Variants in RBM25 observed in about 807,000 individuals in gnomAD.
RBM25 encodes the protein RNA binding motif protein 25.
Under a neutral mutation model 120.7 loss-of-function variants are expected in RBM25, and 19 were observed. The observed-to-expected ratio is 0.16, with a 90% CI of 0.11 to 0.23. The LOEUF (loss-of-function observed/expected upper bound fraction) is 0.23, where lower values mean the gene tolerates loss of function less well. RBM25 is among the 10% of genes least tolerant of loss of function. The pLI is 1.00. For missense variants in RBM25, 605 were observed against 1,041.5 expected, an observed-to-expected ratio of 0.58 and a Z score of 5.77; for synonymous variants, 390 against 326.7, an observed-to-expected ratio of 1.19 and a Z score of -2.09.
At chr14:73,094,682 C>T (rs531099089) in intron 6 of RBM25, among the ~76,000 whole-genome samples, 30 of 152,198 alleles carry the variant, frequency 2.0e-4, no homozygotes, top group African/African-American at 5.5e-4. Context: ...CCGCTGCACG[C>T]GGCTGGGGAA....
intron 9 of RBM25, 77 bp from the exon 10 acceptor site, chr14:73,103,115 A>C: frequency 6.5e-7 from 1 of 1,541,844 alleles, no homozygotes; most frequent in East Asian, 2.2e-5. Context: ...TGTTCCCAGT[A>C]CTGGGCTTTG....
intron 10 of RBM25, among the ~76,000 whole-genome samples, chr14:73,103,928 TCTCTCTCTCTCTCTCTCTCTCACACACA>T (rs1412807219): frequency 9.9e-4 from 66 of 66,352 alleles, no homozygotes; most frequent in African/African-American, 3.1e-3. Flanking sequence ...TCTCTCTCTC[TCTCTCTCTCTCTCTCTCTCTCACACACA>T]CACACACACA....
Position 73,120,516 on chromosome 14 carries a change from G to A in RBM25, c.*711G>A, listed in dbSNP as rs1050282748. The A allele has an allele frequency of 4.6e-5, 7 of 152,548 alleles. No individual in the cohort carries two copies. The highest frequency in any genetic ancestry group is 4.6e-4 in the Admixed American group (7 of 15,270). The allele number at this position is 152,548 out of a possible 1,614,324, so 9.4% of individuals were successfully genotyped here. On this transcript the variant is annotated 3_prime_UTR_variant, in exon 19 of 19. Coordinates refer to ENST00000261973, the MANE Select transcript of RBM25 (RefSeq NM_021239.3). The stretch of plus-strand genomic sequence containing the variant: ...GGTGTTCTCGTGTCGTGAGCAATGT[G>A]GTTTGCTAACTGGATGGGGTTTTCT...
chr14:73,084,490 T>G (rs559170616), intron 5 of RBM25, among the ~76,000 whole-genome samples: 54 of 152,300 alleles, frequency 3.5e-4, no homozygotes, highest in African/African-American at 1.3e-3. Flanking sequence ...TCCTCTGTGT[T>G]TTCTGTAAAG....
chr14:73,117,963 A>G (rs1327338718), intron 18 of RBM25, among the ~76,000 whole-genome samples: 2 of 152,180 alleles, frequency 1.3e-5, no homozygotes, highest in African/African-American at 4.8e-5. Flanking sequence ...GATGGCAGGA[A>G]TAGTGATGGG....
intron 4 of RBM25, among the ~76,000 whole-genome samples, chr14:73,079,006 G>A (rs1414596433): frequency 6.6e-6 from 1 of 152,140 alleles, no homozygotes; most frequent in Non-Finnish European, 1.5e-5. Context: ...GTTTTATTCT[G>A]AGCTTGAATA....
In RBM25 at chr14:73,120,500, G is replaced by C. The variant is rs1291712180; in HGVS notation, c.*695G>C. On this transcript the variant is annotated 3_prime_UTR_variant, in exon 19 of 19. Coordinates refer to ENST00000261973, the MANE Select transcript of RBM25 (RefSeq NM_021239.3). ...TAGTTTCCCAGAGCATGGTGTTCTC[G>C]TGTCGTGAGCAATGTGGTTTGCTAA... 2.0e-5 allele frequency: 3 copies of C among 152,600 alleles called. No individual in the cohort carries two copies. Among genetic ancestry groups the C allele is most frequent in the Non-Finnish European group, 2.9e-5 (2 of 68,032 alleles). 9.5% of individuals were successfully genotyped at this position (152,600 alleles called of 1,614,324 possible).
At chr14:73,075,180 G>T (rs1895386425) in intron 2 of RBM25, among the ~76,000 whole-genome samples, 3 of 151,216 alleles carry the variant, frequency 2.0e-5, no homozygotes, top group Non-Finnish European at 4.4e-5. Flanking sequence ...TATTTTTTTG[G>T]TACAGAGTCT....
intron 9 of RBM25, chr14:73,100,518 G>C (rs1896035421): frequency 2.2e-6 from 1 of 457,430 alleles, no homozygotes; most frequent in Non-Finnish European, 3.9e-6. Flanking sequence ...GTGCATCTGT[G>C]AATGTTCGCT....
At chr14:73,117,245 G>C (rs1453576696) in intron 18 of RBM25, among the ~76,000 whole-genome samples, 1 of 26,668 alleles carries the variant, frequency 3.7e-5, no homozygotes, top group Admixed American at 4.1e-4. Flanking sequence ...TTTTTTTTTT[G>C]AGACAGAGTC....
intron 1 of RBM25, among the ~76,000 whole-genome samples, chr14:73,060,218 T>A (rs951598707): frequency 6.6e-6 from 1 of 151,252 alleles, no homozygotes; most frequent in South Asian, 2.1e-4. Flanking sequence ...TTTGTAGTTT[T>A]AATAGAGGCG....
At chr14:73,097,458 C>G (rs1246690168) in intron 7 of RBM25, among the ~76,000 whole-genome samples, 1 of 152,090 alleles carries the variant, frequency 6.6e-6, no homozygotes, top group Non-Finnish European at 1.5e-5. Context: ...CTCGGCCTCC[C>G]ACAGTGCTGG....
intron 7 of RBM25, among the ~76,000 whole-genome samples, chr14:73,097,537 G>A (rs892200694): frequency 1.3e-5 from 2 of 152,108 alleles, no homozygotes; most frequent in African/African-American, 4.8e-5. Flanking sequence ...GTCTCACTAT[G>A]TTTTCTAGGC....
At position 73,111,799 on chromosome 14, in the gene RBM25, T is replaced by C. The variant is rs758230129; in HGVS notation, c.2289T>C (p.Asp763=). Residue 763 remains aspartate (D), a synonymous_variant, in exon 16 of 19, where the codon GAT becomes GAC. Transcript: ENST00000261973. Reference sequence around the variant, plus strand: ...ATCCCCTGGATTGGTCTATTGTGGATTCTGTGAGTAGGAAATTATATTTCA... The same window carrying C: ...ATCCCCTGGATTGGTCTATTGTGGACTCTGTGAGTAGGAAATTATATTTCA... ...FAYPLDWSIV[D]SILMERRIRP... 2.5e-6 allele frequency: 4 copies of C among 1,579,992 alleles called. No homozygotes were observed. The highest frequency in any genetic ancestry group is 3.4e-6 in the Non-Finnish European group (4 of 1,167,778).
intron 6 of RBM25, among the ~76,000 whole-genome samples, chr14:73,090,266 G>A (rs190098382): frequency 1.3e-5 from 2 of 152,014 alleles, no homozygotes; most frequent in Non-Finnish European, 2.9e-5. Flanking sequence ...TTCCAGGCTG[G>A]TCTTGAGCTC....
intron 14 of RBM25, 115 bp downstream of exon 14, chr14:73,109,607 C>T: frequency 2.1e-6 from 2 of 934,846 alleles, no homozygotes; most frequent in Non-Finnish European, 3.2e-6. Flanking sequence ...TCCTGGCTAA[C>T]ACGGTGAAAC....
intron 13 of RBM25, among the ~76,000 whole-genome samples, chr14:73,108,205 C>G (rs1277303579): frequency 6.6e-6 from 1 of 151,972 alleles, no homozygotes; most frequent in Non-Finnish European, 1.5e-5. Context: ...TTTCTTGATT[C>G]TTTTAGAGAC....
At position 73,068,117 on chromosome 14, in the gene RBM25, G is replaced by A. The variant is rs1356188100; in HGVS notation, c.-15-3510G>A. ...CCACCCCAACTTTACCTCGTTCACA[G>A]ACAGAACTGGAAGGTTGGTCCTAGA... On this transcript the variant is annotated intron_variant, in intron 1 of 18. Coordinates refer to ENST00000261973, the MANE Select transcript of RBM25 (RefSeq NM_021239.3). The A allele has an allele frequency of 5.4e-6, 4 of 741,566 alleles. No individual in the cohort carries two copies. In the African/African-American group the frequency reaches 7.1e-5, roughly 13 times the overall value. The allele number at this position is 741,566 out of a possible 1,614,324, so 45.9% of individuals were successfully genotyped here.
chr14:73,061,150 C>T (rs370599875), intron 1 of RBM25, among the ~76,000 whole-genome samples: 2 of 150,676 alleles, frequency 1.3e-5, no homozygotes, highest in Admixed American at 6.6e-5. Context: ...CTCCGCCTCC[C>T]GGGTTCAAGC....
Sources: gnomAD v4.1 joint callset for allele counts (sites outside exome capture counted in the v4.1 genomes callset) on GRCh38, gnomAD v4.1.1 for gene constraint, MANE v1.5 for transcripts, NCBI Gene and HGNC (gene_info 2026-07-23, HGNC 2026-07-21) for gene names.